The following VWA3B variants were observed in gnomAD, a reference collection of about 807,000 sequenced individuals.
VWA3B encodes von Willebrand factor A domain containing 3B.
Under a neutral mutation model 158.3 loss-of-function variants are expected in VWA3B, and 138 were observed. That is an observed-to-expected ratio of 0.87 (90% CI 0.76 to 1.00). The LOEUF is 1.00. Ranked by LOEUF, VWA3B falls within the 50% of genes least tolerant of loss-of-function variation. The pLI is 0.00. For synonymous variants in VWA3B, 596 were observed against 587.3 expected (o/e 1.01, Z -0.21); for missense variants, 1,555 against 1,565.1 (o/e 0.99, Z 0.11).
At chr2:98,294,172 C>A (rs1439869349) in intron 23 of VWA3B, among the ~76,000 whole-genome samples, 2 of 113,784 alleles carry the variant, frequency 1.8e-5, no homozygotes, top group Non-Finnish European at 3.3e-5. Context: ...CACTGTGAGT[C>A]ACTATTTTCC....
intron 9 of VWA3B, 66 bp downstream of exon 9, chr2:98,181,278 C>A: frequency 1.3e-6 from 2 of 1,552,700 alleles, no homozygotes; most frequent in South Asian, 1.2e-5. Context: ...GTGAGGCCTC[C>A]ATCGGGTCAG....
At chr2:98,307,686 T>C (rs1272418764) in intron 26 of VWA3B, among the ~76,000 whole-genome samples, 3 of 152,218 alleles carry the variant, frequency 2.0e-5, no homozygotes, top group Non-Finnish European at 4.4e-5. Flanking sequence ...GAGGAAAGTC[T>C]TTGAAGAGGA....
At chr2:98,156,510 A>G (rs1453213019) in intron 7 of VWA3B, among the ~76,000 whole-genome samples, 1 of 152,166 alleles carries the variant, frequency 6.6e-6, no homozygotes, top group Non-Finnish European at 1.5e-5. Context: ...CCCCAGTAAC[A>G]ATAGTCCTAG....
At chr2:98,177,297 G>C (rs1288286042) in intron 8 of VWA3B, among the ~76,000 whole-genome samples, 1 of 152,206 alleles carries the variant, frequency 6.6e-6, no homozygotes, top group African/African-American at 2.4e-5. Flanking sequence ...TCTCATAACA[G>C]AAAGAACATC....
At chr2:98,265,284 A>G (rs528824195) in intron 21 of VWA3B, among the ~76,000 whole-genome samples, 1 of 151,268 alleles carries the variant, frequency 6.6e-6, no homozygotes, top group African/African-American at 2.4e-5. Context: ...GTGAGTGAGA[A>G]TATGCGGTGT....
Position 98,214,017 on chromosome 2 carries a change from C to A in VWA3B, c.1836+1989C>A, listed in dbSNP as rs574998405. On this transcript the variant is annotated intron_variant, in intron 13 of 27. Transcript: ENST00000477737. ...ACCAGCCTGGACAACATATTGAGAC[C>A]CTGTCTCTACAAAAAACTTTAAAAT... 2.0e-5 allele frequency among the ~76,000 whole-genome samples: 3 copies of A among 151,826 alleles called. No homozygotes were observed. In the South Asian group the frequency reaches 6.3e-4, roughly 32 times the overall value.
At chr2:98,233,176 A>C (rs779734587) in intron 16 of VWA3B, among the ~76,000 whole-genome samples, 5 of 152,148 alleles carry the variant, frequency 3.3e-5, no homozygotes, top group Admixed American at 6.5e-5. Context: ...TTAATGGCCA[A>C]TTGTCACTGC....
At chr2:98,147,068 A>T (rs187712098) in intron 7 of VWA3B, among the ~76,000 whole-genome samples, 10 of 152,374 alleles carry the variant, frequency 6.6e-5, no homozygotes, top group Admixed American at 3.9e-4. Context: ...TTCCAAAATA[A>T]CTTTTGAAAG....
chr2:98,112,151 T>C (rs537212718), intron 2 of VWA3B, among the ~76,000 whole-genome samples: 1 of 152,220 alleles, frequency 6.6e-6, no homozygotes, highest in African/African-American at 2.4e-5. Context: ...TATTTCAGAG[T>C]CATTTATTGA....
chr2:98,185,864 C>T (rs1336533337), intron 9 of VWA3B, among the ~76,000 whole-genome samples: 1 of 152,192 alleles, frequency 6.6e-6, no homozygotes. Context: ...GCCATTTCTC[C>T]CATCTTAAAA....
intron 8 of VWA3B, among the ~76,000 whole-genome samples, chr2:98,166,983 C>T (rs1442234714): frequency 2.6e-5 from 4 of 152,156 alleles, no homozygotes; most frequent in East Asian, 1.9e-4. Context: ...ACCACGTGTC[C>T]GACCTGCTCT....
At chr2:98,279,955 C>T (rs1278228245) in intron 22 of VWA3B, among the ~76,000 whole-genome samples, 2 of 152,198 alleles carry the variant, frequency 1.3e-5, no homozygotes, top group Non-Finnish European at 2.9e-5. Context: ...TTCTTAAAGA[C>T]TCAGAATTCA....
At chr2:98,213,255 G>A (rs1683695656) in intron 13 of VWA3B, among the ~76,000 whole-genome samples, 2 of 152,162 alleles carry the variant, frequency 1.3e-5, no homozygotes, top group Non-Finnish European at 2.9e-5. Context: ...AAAACGTTGG[G>A]TTGAGGAAGA....
intron 22 of VWA3B, among the ~76,000 whole-genome samples, chr2:98,277,388 G>T (rs1236773163): frequency 6.6e-6 from 1 of 152,198 alleles, no homozygotes; most frequent in African/African-American, 2.4e-5. Context: ...CTCCCTGGGA[G>T]CCTGGTCTAG....
At chr2:98,188,907 T>C (rs1376615700) in intron 10 of VWA3B, among the ~76,000 whole-genome samples, 1 of 152,226 alleles carries the variant, frequency 6.6e-6, no homozygotes, top group Non-Finnish European at 1.5e-5. Flanking sequence ...TGGTCACACC[T>C]TGTGGTAGGA....
At chr2:98,268,243 A>G (rs1037010328) in intron 21 of VWA3B, among the ~76,000 whole-genome samples, 2 of 151,884 alleles carry the variant, frequency 1.3e-5, no homozygotes, top group Admixed American at 6.6e-5. Context: ...ACAAAAAAAG[A>G]GAATTTTAGA....
intron 7 of VWA3B, among the ~76,000 whole-genome samples, chr2:98,145,464 CAG>C (rs1677104737): frequency 6.6e-6 from 1 of 152,172 alleles, no homozygotes; most frequent in African/African-American, 2.4e-5. Context: ...TAGCACATGG[CAG>C]AGTCAGGATT....
intron 21 of VWA3B, among the ~76,000 whole-genome samples, chr2:98,262,917 A>G (rs943393346): frequency 2.0e-5 from 3 of 151,900 alleles, no homozygotes; most frequent in African/African-American, 7.2e-5. Flanking sequence ...CCATGAACAC[A>G]AAATGTCTTT....
At chr2:98,208,717 C>T (rs931681671) in intron 12 of VWA3B, among the ~76,000 whole-genome samples, 4 of 152,178 alleles carry the variant, frequency 2.6e-5, no homozygotes, top group African/African-American at 9.6e-5. Flanking sequence ...ATTTCCTTTG[C>T]ATGCATTATA....
Sources: gnomAD v4.1 joint callset for allele counts (sites outside exome capture counted in the v4.1 genomes callset) on GRCh38, gnomAD v4.1.1 for gene constraint, MANE v1.5 for transcripts, NCBI Gene and HGNC (gene_info 2026-07-23, HGNC 2026-07-21) for gene names.